The following PAFAH2 variants were observed in gnomAD, a reference collection of about 807,000 sequenced individuals.
The protein encoded by PAFAH2 is platelet activating factor acetylhydrolase 2.
PAFAH2 carries 42 observed loss-of-function variants against 49.0 expected under a neutral mutation model. The observed-to-expected ratio is 0.86, with a 90% CI of 0.67 to 1.11. The LOEUF is 1.11. Among genes scored for constraint, PAFAH2 ranks in the 50% least tolerant of loss-of-function variants. The pLI, the probability that PAFAH2 is intolerant of heterozygous loss-of-function variation, is 0.00. For missense variants in PAFAH2, 503 were observed against 501.8 expected (o/e 1.00, Z -0.02); for synonymous variants, 184 against 181.3 (o/e 1.01, Z -0.12).
chr1:25,972,221 G>A (rs1326298503), intron 10 of PAFAH2, among the ~76,000 whole-genome samples: 3 of 151,814 alleles, frequency 2.0e-5, no homozygotes, highest in South Asian at 2.1e-4. Flanking sequence ...GTAGCCTCTC[G>A]AGTAGCTGGG....
At position 25,974,460 on chromosome 1, in the gene PAFAH2, C is replaced by T. The variant is rs201130232; in HGVS notation, c.929+20G>A. ...GCAAATGGAGAGGGCCCTGGGATCA[C>T]GACCTTGTGGTTTACTCACAGAACG... On this transcript the variant is annotated intron_variant, in intron 9 of 10. Transcript: ENST00000374282. 146 of 1,570,662 alleles carry T rather than the reference C, an allele frequency of 9.3e-5. No homozygotes were observed. The African/African-American group carries it at 1.6e-3, about 17-fold the overall frequency.
chr1:25,983,228 T>TA (rs2049720447), intron 6 of PAFAH2, among the ~76,000 whole-genome samples: 2 of 151,730 alleles, frequency 1.3e-5, no homozygotes, highest in Admixed American at 1.3e-4. Flanking sequence ...CCGTCTCTAC[T>TA]AAAAAAACAA....
intron 6 of PAFAH2, 115 bp from the exon 7 acceptor site, chr1:25,982,592 A>G: frequency 2.7e-6 from 2 of 738,580 alleles, no homozygotes; most frequent in Non-Finnish European, 4.6e-6. Flanking sequence ...CCCACGCCTC[A>G]GCAAGCACCT....
intron 1 of PAFAH2, among the ~76,000 whole-genome samples, chr1:25,996,007 A>G (rs993980511): frequency 4.6e-5 from 7 of 152,182 alleles, no homozygotes; most frequent in Non-Finnish European, 1.0e-4. Context: ...TAGCTGTGTG[A>G]TCTTGAACAA....
intron 4 of PAFAH2, 42 bp downstream of exon 4, chr1:25,988,189 A>G: frequency 7.8e-7 from 1 of 1,281,444 alleles, no homozygotes; most frequent in Non-Finnish European, 1.1e-6. Context: ...AGCTGTCACC[A>G]GGCAAGGAGT....
At position 25,983,986 on chromosome 1, in the gene PAFAH2, A is replaced by C. The variant is rs34317686; in HGVS notation, c.512T>G (p.Val171Gly). The C allele has an allele frequency of 6.2e-7, 1 of 1,613,760 alleles. No individual in the cohort carries two copies. The highest frequency in any genetic ancestry group is 8.5e-7 in the Non-Finnish European group (1 of 1,179,920). ...ATGAAATTCCTTCTCCCCTTCCTCA[A>C]CTCGACGGAAAGGGATCCATTCCTC... ...LQEEWIPFRR[V>G]EEGEKEFHVR... Residue 171 changes from valine to glycine, a missense_variant, in exon 6 of 11, where the codon GTT becomes GGT. Val to Gly is a moderately radical substitution (Grantham distance 109). Coordinates refer to ENST00000374282, the MANE Select transcript of PAFAH2 (RefSeq NM_000437.4).
At chr1:25,993,608 T>C (rs2049902990) in intron 1 of PAFAH2, among the ~76,000 whole-genome samples, 1 of 152,190 alleles carries the variant, frequency 6.6e-6, no homozygotes, top group African/African-American at 2.4e-5. Flanking sequence ...TTGTTTCTTT[T>C]TAGCAAATTT....
In PAFAH2 at chr1:25,984,533, A is replaced by G. The variant is rs1179487315; in HGVS notation, c.342-5T>C. The G allele has an allele frequency of 9.9e-6, 16 of 1,612,508 alleles. No individual in the cohort carries two copies. Among genetic ancestry groups the G allele is most frequent in the Non-Finnish European group, 1.4e-5 (16 of 1,178,758 alleles). On this transcript the variant is annotated splice_polypyrimidine_tract_variant and splice_region_variant and intron_variant, in intron 4 of 10. Coordinates refer to ENST00000374282, the MANE Select transcript of PAFAH2 (RefSeq NM_000437.4). ...CAGAAGGCTGAATACAAAGTCCTGG[A>G]GATTCAAAAAGGAACAAGGAAAAGG...
chr1:25,981,694 A>T (rs2049690809), intron 7 of PAFAH2, among the ~76,000 whole-genome samples: 1 of 152,204 alleles, frequency 6.6e-6, no homozygotes, highest in Admixed American at 6.5e-5. Flanking sequence ...TTCCCAGATT[A>T]GTGGAAGCTA....
chr1:25,965,536 C>T (rs181911253), intron 10 of PAFAH2, among the ~76,000 whole-genome samples: 58 of 152,212 alleles, frequency 3.8e-4, no homozygotes, highest in African/African-American at 1.4e-3. Context: ...TAAGGAAAGG[C>T]TGGGCATGGT....
chr1:25,994,849 G>A (rs1433059642), intron 1 of PAFAH2, among the ~76,000 whole-genome samples: 2 of 152,146 alleles, frequency 1.3e-5, no homozygotes, highest in South Asian at 2.1e-4. Context: ...AAGTTTCTGG[G>A]AAGATCATCA....
At chr1:25,967,031 CA>C (rs34853555) in intron 10 of PAFAH2, among the ~76,000 whole-genome samples, 205 of 84,198 alleles carry the variant, frequency 2.4e-3, no homozygotes, top group African/African-American at 1.0e-2. Context: ...GACGCCTTCT[CA>C]AAAAAAAAAA....
intron 5 of PAFAH2, 78 bp from the exon 6 acceptor site, chr1:25,984,165 T>G (rs2049741502): frequency 6.5e-7 from 1 of 1,537,398 alleles, no homozygotes; most frequent in East Asian, 2.2e-5. Flanking sequence ...AGCCTCCCTT[T>G]CATCCAGGAG....
chr1:25,967,146 T>A (rs1284081932), intron 10 of PAFAH2, among the ~76,000 whole-genome samples: 1 of 151,098 alleles, frequency 6.6e-6, no homozygotes, highest in Non-Finnish European at 1.5e-5. Context: ...GACAGGATGG[T>A]AGCTGTGGGG....
chr1:25,972,792 G>T, intron 9 of PAFAH2, 80 bp from the exon 10 acceptor site: 1 of 1,427,246 alleles, frequency 7.0e-7, no homozygotes, highest in Non-Finnish European at 9.8e-7. Context: ...CTATGTGCAA[G>T]GTGCTTTTCA....
rs1485775974 is a variant in PAFAH2, at chr1:25,990,643, A to C, written c.90+84T>G. 4 of 1,117,454 alleles carry C rather than the reference A, an allele frequency of 3.6e-6. No individual in the cohort carries two copies. In the Middle Eastern group the frequency reaches 5.9e-4, roughly 166 times the overall value. 69.2% of individuals were successfully genotyped at this position (1,117,454 alleles called of 1,614,324 possible). On this transcript the variant is annotated intron_variant, in intron 2 of 10. Coordinates refer to ENST00000374282, the MANE Select transcript of PAFAH2 (RefSeq NM_000437.4). ...TCTAATTCATTTTCCCCACCGTGGG[A>C]ATACAGGATCAGACTTGTGATCAGT...
At position 25,988,221 on chromosome 1, in the gene PAFAH2, A is replaced by C. The variant is rs762181917; in HGVS notation, c.341+10T>G. ...GAGTATGGCAAGGTCTGGGGGAAAG[A>C]AGCTCTTACCTGAAGGCTCCTAGGC... On this transcript the variant is annotated intron_variant, in intron 4 of 10. Transcript: ENST00000374282. The C allele has an allele frequency of 1.6e-5, 25 of 1,572,054 alleles. No individual in the cohort carries two copies. The Admixed American group carries it at 3.8e-4, about 24-fold the overall frequency.
intron 10 of PAFAH2, among the ~76,000 whole-genome samples, chr1:25,964,945 G>A (rs1253052046): frequency 3.3e-5 from 5 of 152,072 alleles, no homozygotes; most frequent in African/African-American, 1.2e-4. Flanking sequence ...CCAAAAAAGA[G>A]CCTGTCAAAG....
chr1:25,983,447 C>T (rs2049724749), intron 6 of PAFAH2, among the ~76,000 whole-genome samples: 2 of 151,806 alleles, frequency 1.3e-5, no homozygotes, highest in East Asian at 1.9e-4. Context: ...GTCCCAGCTA[C>T]TCAGGACACT....
Sources: allele counts gnomAD v4.1 joint callset (sites outside exome capture counted in the v4.1 genomes callset), GRCh38; gene constraint gnomAD v4.1.1; transcripts MANE v1.5; gene names NCBI Gene and HGNC (gene_info 2026-07-23, HGNC 2026-07-21).